The following CTCF variants were observed in gnomAD, a reference collection of about 807,000 sequenced individuals.
CTCF encodes transcriptional repressor CTCF.
Under a neutral mutation model 72.3 loss-of-function variants are expected in CTCF, and 7 were observed. That is an observed-to-expected ratio of 0.10 (90% CI 0.06 to 0.18). The LOEUF (loss-of-function observed/expected upper bound fraction) is 0.18, where lower values mean the gene tolerates loss of function less well. Ranked by LOEUF, CTCF falls within the 10% of genes least tolerant of loss-of-function variation. The pLI, the probability that CTCF is intolerant of heterozygous loss-of-function variation, is 1.00. For synonymous variants in CTCF, 374 were observed against 315.8 expected, an observed-to-expected ratio of 1.18 and a Z score of -1.95; for missense variants, 516 against 949.1, an observed-to-expected ratio of 0.54 and a Z score of 6.00.
intron 2 of CTCF, among the ~76,000 whole-genome samples, chr16:67,578,184 G>A (rs921418229): frequency 9.9e-5 from 15 of 152,058 alleles, no homozygotes; most frequent in African/African-American, 3.6e-4. Context: ...TTCAAACAGT[G>A]CAAAATGTTA....
At chr16:67,608,210 G>A (rs1170837272) in intron 2 of CTCF, among the ~76,000 whole-genome samples, 1 of 150,628 alleles carries the variant, frequency 6.6e-6, no homozygotes, top group African/African-American at 2.4e-5. Flanking sequence ...TGTAGTCCCA[G>A]CTACTCGGGA....
chr16:67,594,708 T>C (rs1376081339), intron 2 of CTCF, among the ~76,000 whole-genome samples: 1 of 152,226 alleles, frequency 6.6e-6, no homozygotes. Flanking sequence ...GCTCTTGTCC[T>C]GTGCAGGAAC....
intron 10 of CTCF, among the ~76,000 whole-genome samples, chr16:67,629,746 CTTTTTTTTTTTTTTTTTTTTTTTTTT>C (rs71145978): frequency 1.7e-3 from 108 of 63,356 alleles, no homozygotes; most frequent in East Asian, 3.7e-3. Flanking sequence ...CATTAATGCC[CTTTTTTTTTTTTTTTTTTTTTTTTTT>C]TTTTTTTTTT....
chr16:67,567,139 C>A (rs534898990), intron 1 of CTCF, among the ~76,000 whole-genome samples: 1 of 152,198 alleles, frequency 6.6e-6, no homozygotes, highest in East Asian at 1.9e-4. Context: ...CGTGTCCAGC[C>A]CATTTTTTTT....
intron 2 of CTCF, chr16:67,572,355 A>G (rs1367837336): frequency 6.6e-6 from 1 of 152,200 alleles, no homozygotes; most frequent in Admixed American, 6.6e-5. Context: ...TTTAAAAACT[A>G]TTGAGAAATC....
At chr16:67,573,015 G>A (rs1220969584) in intron 2 of CTCF, among the ~76,000 whole-genome samples, 2 of 146,970 alleles carry the variant, frequency 1.4e-5, no homozygotes, top group Non-Finnish European at 3.0e-5. Context: ...AACTTTGGGA[G>A]GCTGAGGTGG....
At chr16:67,577,509 C>T (rs1210785393) in intron 2 of CTCF, among the ~76,000 whole-genome samples, 2 of 150,366 alleles carry the variant, frequency 1.3e-5, no homozygotes, top group Non-Finnish European at 3.0e-5. Context: ...GCGATATTGG[C>T]TCACTGCAAG....
intron 2 of CTCF, among the ~76,000 whole-genome samples, chr16:67,604,800 A>G (rs946254236): frequency 1.4e-5 from 2 of 144,644 alleles, no homozygotes; most frequent in South Asian, 2.1e-4. Flanking sequence ...TTAAAATTAC[A>G]TATAATGTGG....
intron 2 of CTCF, among the ~76,000 whole-genome samples, chr16:67,590,925 C>T (rs1304860962): frequency 2.1e-5 from 3 of 140,684 alleles, no homozygotes; most frequent in African/African-American, 8.2e-5. Context: ...GGCACCATTG[C>T]ACTCCAGCCT....
chr16:67,566,059 CTG>C (rs1251972722), intron 1 of CTCF, among the ~76,000 whole-genome samples: 1 of 152,230 alleles, frequency 6.6e-6, no homozygotes, highest in East Asian at 1.9e-4. Flanking sequence ...ACTAGACCAT[CTG>C]TCTGCCTAAT....
At chr16:67,599,018 G>A (rs778428952) in intron 2 of CTCF, among the ~76,000 whole-genome samples, 19 of 152,218 alleles carry the variant, frequency 1.2e-4, no homozygotes, top group Non-Finnish European at 2.4e-4. Context: ...ATACTAAATC[G>A]TGCATTGGGG....
intron 1 of CTCF, among the ~76,000 whole-genome samples, chr16:67,564,998 C>T (rs1353095932): frequency 6.6e-6 from 1 of 151,998 alleles, no homozygotes; most frequent in Non-Finnish European, 1.5e-5. Flanking sequence ...GTTAGGGTAA[C>T]CCAGACCTTT....
In CTCF at chr16:67,611,621, G is replaced by A. The variant is rs749165503; in HGVS notation, c.781+8G>A. On this transcript the variant is annotated splice_region_variant and intron_variant, in intron 3 of 11. Coordinates refer to ENST00000264010, the MANE Select transcript of CTCF (RefSeq NM_006565.4). ...CAAAAATTAAAAAGAAAGGTAAAACGAGTTTATCCATAGTGGTTTCATAAA... is the reference window on the plus strand; with the variant it reads ...CAAAAATTAAAAAGAAAGGTAAAACAAGTTTATCCATAGTGGTTTCATAAA... 9 of 1,607,178 alleles carry A rather than the reference G, an allele frequency of 5.6e-6. No homozygotes were observed. The highest frequency in any genetic ancestry group is 1.7e-5 in the Admixed American group (1 of 58,254).
rs528810902 is a variant in CTCF at position 67,635,380 on chromosome 16, G to A, written c.1838-1310G>A. The stretch of plus-strand genomic sequence containing the variant: ...GGGGTTTCACCATATTTGCCAGGCT[G>A]GTCTCGAACTCTTGACCTCAAGTGA... On this transcript the variant is annotated intron_variant, in intron 10 of 11. Coordinates refer to ENST00000264010, the MANE Select transcript of CTCF (RefSeq NM_006565.4). The A allele has an allele frequency of 2.0e-5, 3 of 151,120 alleles. No homozygotes were observed. The East Asian group carries it at 6.0e-4, about 30-fold the overall frequency. The allele number at this position is 151,120 out of a possible 1,614,324, so 9.4% of individuals were successfully genotyped here.
At chr16:67,572,852 A>G (rs969171261) in intron 2 of CTCF, among the ~76,000 whole-genome samples, 4 of 150,688 alleles carry the variant, frequency 2.7e-5, no homozygotes, top group Non-Finnish European at 5.9e-5. Context: ...AGGCAGGAAA[A>G]TCGCTTAAAC....
intron 2 of CTCF, among the ~76,000 whole-genome samples, chr16:67,583,574 C>T (rs796990497): frequency 3.0e-4 from 45 of 152,054 alleles, no homozygotes; most frequent in African/African-American, 9.2e-4. Context: ...ATAATCTCAG[C>T]CACTCGGGAG....
In CTCF at chr16:67,619,971, G is replaced by A. The variant is rs537749666; in HGVS notation, c.1087-726G>A. 1.1e-4 allele frequency among the ~76,000 whole-genome samples: 16 copies of A among 152,244 alleles called. No homozygotes were observed. The South Asian group carries it at 3.3e-3, about 32-fold the overall frequency. Reference sequence around the variant, plus strand: ...GGACTAAAGGATGGATAATGGTGAGGATGATAGAAGAGAGGCCCTTCGAGC... The same window carrying A: ...GGACTAAAGGATGGATAATGGTGAGAATGATAGAAGAGAGGCCCTTCGAGC... On this transcript the variant is annotated intron_variant, in intron 5 of 11. Coordinates refer to ENST00000264010, the MANE Select transcript of CTCF (RefSeq NM_006565.4).
intron 7 of CTCF, among the ~76,000 whole-genome samples, chr16:67,623,718 C>T (rs894462001): frequency 6.6e-6 from 1 of 151,782 alleles, no homozygotes; most frequent in Admixed American, 6.6e-5. Context: ...AGTTCTAGAC[C>T]AACCTGTGTG....
Position 67,626,711 on chromosome 16 carries a change from G to C in CTCF, c.1514G>C (p.Arg505Thr). Residue 505 changes from arginine (R) to threonine (T), a missense_variant, in exon 8 of 12, where the codon AGA becomes ACA. Arg to Thr is a moderately conservative substitution (Grantham distance 71). This residue lies in a region of CTCF where 81 missense variants were observed against 184.3 expected (regional missense o/e 0.44). Coordinates refer to ENST00000264010, the MANE Select transcript of CTCF (RefSeq NM_006565.4). ...FKCDQCDYAC[R>T]QERHMIMHKR... ...TGTGACCAGTGTGATTACGCTTGTA[G>C]ACAGGTAGGAACCTTCATTGAAAGT... 6.9e-7 allele frequency: 1 copy of C among 1,451,134 alleles called. No individual in the cohort carries two copies. Among genetic ancestry groups the C allele is most frequent in the Non-Finnish European group, 9.2e-7 (1 of 1,092,552 alleles). 89.9% of individuals were successfully genotyped at this position (1,451,134 alleles called of 1,614,324 possible).
Sources: allele counts gnomAD v4.1 joint callset (sites outside exome capture counted in the v4.1 genomes callset), GRCh38; gene constraint gnomAD v4.1.1; regional missense constraint gnomAD v4.1.1; transcripts MANE v1.5; gene names NCBI Gene and HGNC (gene_info 2026-07-23, HGNC 2026-07-21).